Variants in GUCA1B observed in about 807,000 individuals in gnomAD.
GUCA1B encodes guanylate cyclase activator 1B, also known as guanylyl cyclase-activating protein 2.
Under a neutral mutation model 24.2 loss-of-function variants are expected in GUCA1B, and 22 were observed. The observed-to-expected ratio is 0.91, with a 90% CI of 0.65 to 1.30. The LOEUF is 1.30. Among genes scored for constraint, GUCA1B ranks in the 50% most tolerant of loss-of-function variants. The pLI is 0.00. For synonymous variants in GUCA1B, 100 were observed against 97.9 expected (o/e 1.02, Z -0.13); for missense variants, 221 against 258.8 (o/e 0.85, Z 1.00).
At chr6:42,187,692 G>A (rs1007124053) in intron 2 of GUCA1B, among the ~76,000 whole-genome samples, 1 of 151,914 alleles carries the variant, frequency 6.6e-6, no homozygotes, top group Non-Finnish European at 1.5e-5. Context: ...CAAAGTGCTG[G>A]GGTTACATGT....
chr6:42,194,756 T>C lies in GUCA1B; in HGVS notation c.65A>G (p.Gln22Arg), dbSNP rs377415238. The C allele has an allele frequency of 6.6e-5, 106 of 1,608,536 alleles. No homozygotes were observed. The East Asian group carries it at 1.2e-3, about 18-fold the overall frequency. The change falls in exon 1 of 4, where the codon CAG becomes CGG. Residue 22 changes from glutamine to arginine, a missense_variant. Physicochemically the swap from Gln to Arg is conservative, Grantham distance 43. Transcript: ENST00000230361. ...AAGEIDVAEL[Q>R]EWYKKFVMEC... ...CATCACAAACTTCTTGTACCACTCC[T>C]GGAGCTCCGCCACATCTATCTCGCC... is the stretch of plus-strand genomic sequence containing the variant.
chr6:42,193,045 A>T lies in GUCA1B; in HGVS notation c.207+1569T>A, dbSNP rs182621860. On this transcript the variant is annotated intron_variant, in intron 1 of 3. Transcript: ENST00000230361. ...TATGTATACAGAGAGAGGCAGAATG[A>T]TAAAGTAAATGATATAAAATGTGAA... Among the ~76,000 whole-genome samples, 617 of 152,330 alleles carry T rather than the reference A, an allele frequency of 4.1e-3. 4 individuals carry two copies. The highest frequency in any genetic ancestry group is 0.014 in the African/African-American group (583 of 41,576).
chr6:42,189,537 G>A (rs973564771), intron 1 of GUCA1B, among the ~76,000 whole-genome samples: 12 of 152,222 alleles, frequency 7.9e-5, no homozygotes, highest in Admixed American at 7.8e-4. Context: ...TTCACCCCAA[G>A]TCAGAGAGAG....
At chr6:42,189,345 G>A (rs1226549303) in intron 1 of GUCA1B, among the ~76,000 whole-genome samples, 1 of 152,204 alleles carries the variant, frequency 6.6e-6, no homozygotes, top group African/African-American at 2.4e-5. Flanking sequence ...GAAAAGAGGG[G>A]TTGACATTGC....
rs754435926 is a variant in GUCA1B, at chr6:42,188,750, C to A, written c.208-19G>T. ...TGTTGTCCTGCATTAGATGTGGATG[C>A]TGCTGAGGGCACAGCCCACCTCCCC... On this transcript the variant is annotated intron_variant, in intron 1 of 3. Coordinates refer to ENST00000230361, the MANE Select transcript of GUCA1B (RefSeq NM_002098.6). 6.2e-7 allele frequency: 1 copy of A among 1,609,184 alleles called. No individual in the cohort carries two copies.
At chr6:42,188,886 TTCTA>T (rs11270970) in intron 1 of GUCA1B, among the ~76,000 whole-genome samples, 155 bp from the exon 2 acceptor site, 3 of 116,428 alleles carry the variant, frequency 2.6e-5, no homozygotes, top group Non-Finnish European at 4.9e-5. Context: ...GTAGAGAACA[TTCTA>T]TCTATCTATC....
In GUCA1B at chr6:42,185,767, G is replaced by T; in HGVS notation, c.388C>A (p.Arg130=). The change falls in exon 3 of 4, where the codon CGA becomes AGA. Residue 130 remains arginine, a synonymous_variant. Coordinates refer to ENST00000230361, the MANE Select transcript of GUCA1B (RefSeq NM_002098.6). ...TGGCCTTGCTCAGTTTGTAGCTCTCGCCGGCAGGCTTTCTTCAGCTGGTAA... is the reference window on the plus strand; with the variant it reads ...TGGCCTTGCTCAGTTTGTAGCTCTCTCCGGCAGGCTTTCTTCAGCTGGTAA... ...GIYQLKKACR[R]ELQTEQGQLL... 6.2e-7 allele frequency: 1 copy of T among 1,612,670 alleles called. No individual in the cohort carries two copies. The highest frequency in any genetic ancestry group is 8.5e-7 in the Non-Finnish European group (1 of 1,179,054).
intron 1 of GUCA1B, among the ~76,000 whole-genome samples, chr6:42,193,787 C>T (rs910722037): frequency 5.9e-5 from 9 of 152,160 alleles, no homozygotes; most frequent in Admixed American, 4.6e-4. Context: ...AAGTTCTCCA[C>T]GCACTGAGGA....
chr6:42,184,995 T>TG (rs1274678524), intron 3 of GUCA1B, 53 bp from the exon 4 acceptor site: 3 of 1,595,118 alleles, frequency 1.9e-6, no homozygotes, highest in Non-Finnish European at 2.6e-6. Context: ...GACCTGGGTC[T>TG]GGGGGCAGGA....
At chr6:42,186,845 A>G (rs922384211) in intron 2 of GUCA1B, among the ~76,000 whole-genome samples, 2 of 152,200 alleles carry the variant, frequency 1.3e-5, no homozygotes, top group Non-Finnish European at 2.9e-5. Context: ...CAGAATCTCT[A>G]TGAAGCAGCT....
rs114751382 is a variant in GUCA1B, at chr6:42,185,222, A to G, written c.476-280T>C. Among the ~76,000 whole-genome samples the G allele has an allele frequency of 7.9e-3, 1,208 of 152,312 alleles. 14 individuals carry two copies. The highest frequency in any genetic ancestry group is 0.027 in the African/African-American group (1,127 of 41,580). ...AGAGAGCTGGAGGGCTCAAGTGTGTATTCCAAGCCAGCTCTCTCCCCACAT... is the reference window on the plus strand; with the variant it reads ...AGAGAGCTGGAGGGCTCAAGTGTGTGTTCCAAGCCAGCTCTCTCCCCACAT... On this transcript the variant is annotated intron_variant, in intron 3 of 3. Coordinates refer to ENST00000230361, the MANE Select transcript of GUCA1B (RefSeq NM_002098.6).
chr6:42,192,400 GAAAAGAAAAAGGAAAAAAGAAAGAAAC>G (rs1376017519), intron 1 of GUCA1B, among the ~76,000 whole-genome samples: 2 of 60,488 alleles, frequency 3.3e-5, no homozygotes, highest in African/African-American at 1.4e-4. Context: ...GAAAAGAAAA[GAAAAGAAAAAGGAAAAAAGAAAGAAAC>G]CTGGCCGGGT....
At chr6:42,186,413 T>A (rs887180106) in intron 2 of GUCA1B, among the ~76,000 whole-genome samples, 1 of 152,066 alleles carries the variant, frequency 6.6e-6, no homozygotes, top group African/African-American at 2.4e-5. Flanking sequence ...GCCAACATGA[T>A]GAAATCCTGT....
rs145332570 is a variant in GUCA1B at position 42,194,631 on chromosome 6, C to T, written c.190G>A (p.Ala64Thr). The change falls in exon 1 of 4, where the codon GCC becomes ACC. Residue 64 changes from alanine (A) to threonine (T), a missense_variant. Transcript: ENST00000230361. ...ASQYVEGMFR[A>T]FDKNGDNTID... ...TGCCTTACCCCATTCTTGTCGAAGGCTCGGAACATGCCCTCTACATACTGG... is the reference window on the plus strand; with the variant it reads ...TGCCTTACCCCATTCTTGTCGAAGGTTCGGAACATGCCCTCTACATACTGG... 1.9e-4 allele frequency: 299 copies of T among 1,612,190 alleles called. No individual in the cohort carries two copies. Among genetic ancestry groups the T allele is most frequent in the Non-Finnish European group, 2.3e-4 (276 of 1,178,368 alleles).
intron 1 of GUCA1B, among the ~76,000 whole-genome samples, chr6:42,194,083 C>T (rs1225711271): frequency 6.6e-6 from 1 of 152,190 alleles, no homozygotes. Context: ...CTTTTGCAGT[C>T]ATTCGCCCAG....
At chr6:42,192,685 CT>C (rs1768331575) in intron 1 of GUCA1B, among the ~76,000 whole-genome samples, 2 of 152,140 alleles carry the variant, frequency 1.3e-5, no homozygotes, top group South Asian at 2.1e-4. Flanking sequence ...GCACTCTAGC[CT>C]GGGCAACATG....
chr6:42,186,586 C>G (rs911674563), intron 2 of GUCA1B, among the ~76,000 whole-genome samples: 5 of 144,062 alleles, frequency 3.5e-5, no homozygotes, highest in Non-Finnish European at 7.4e-5. Context: ...AAGCGAGGCT[C>G]TGTCTCAGAA....
At position 42,185,402 on chromosome 6, in the gene GUCA1B, C is replaced by T. The variant is rs571207722; in HGVS notation, c.475+278G>A. Among the ~76,000 whole-genome samples, 9 of 152,296 alleles carry T rather than the reference C, an allele frequency of 5.9e-5. 1 individual carries two copies. The South Asian group carries it at 6.2e-4, about 11-fold the overall frequency. ...CCAGATGAGGAAATTGAGACTAGGA[C>T]GAGAAGCTCAATATATCACTCCCTG... On this transcript the variant is annotated intron_variant, in intron 3 of 3. Transcript: ENST00000230361.
At position 42,184,957 on chromosome 6, in the gene GUCA1B, G is replaced by A; in HGVS notation, c.476-15C>T. ...AGACAGCTGGCCTGAGCAAGGGGGA[G>A]GAGAGGTGGTCATGTAGAAGAAGGG... is the stretch of plus-strand genomic sequence containing the variant. On this transcript the variant is annotated splice_polypyrimidine_tract_variant and intron_variant, in intron 3 of 3. Transcript: ENST00000230361. 1 of 1,613,666 alleles carries A rather than the reference G, an allele frequency of 6.2e-7. No homozygotes were observed. Among genetic ancestry groups the A allele is most frequent in the Non-Finnish European group, 8.5e-7 (1 of 1,179,600 alleles).
Sources: gnomAD v4.1 joint callset for allele counts (sites outside exome capture counted in the v4.1 genomes callset) on GRCh38, gnomAD v4.1.1 for gene constraint, MANE v1.5 for transcripts, NCBI Gene and HGNC (gene_info 2026-07-23, HGNC 2026-07-21) for gene names.